NOSIP: variants seen among roughly 807,000 people sequenced by gnomAD.
NOSIP encodes nitric oxide synthase-interacting protein.
In NOSIP, 25 loss-of-function variants were observed where a neutral mutation model predicts 36.4. The ratio of observed to expected loss-of-function variants is 0.69; its 90% CI spans 0.50 to 0.96. NOSIP has a LOEUF of 0.96. Ranked by LOEUF, NOSIP falls within the 40% of genes least tolerant of loss-of-function variation. The probability of loss-of-function intolerance (pLI) is 0.00; values close to 1 mark genes in which losing one functional copy is unlikely to be tolerated. For synonymous variants in NOSIP, 187 were observed against 179.2 expected (o/e 1.04, Z -0.35); for missense variants, 370 against 429.0 (o/e 0.86, Z 1.21).
intron 1 of NOSIP, among the ~76,000 whole-genome samples, chr19:49,576,523 G>C (rs982241872): frequency 9.9e-5 from 15 of 151,748 alleles, no homozygotes; most frequent in African/African-American, 3.6e-4. Flanking sequence ...GCTGCAGTGA[G>C]TTATGATCGT....
intron 1 of NOSIP, among the ~76,000 whole-genome samples, chr19:49,565,754 T>A: frequency 7.2e-6 from 1 of 138,626 alleles, no homozygotes; most frequent in African/African-American, 3.3e-5. Flanking sequence ...TGAGAACCTG[T>A]CTCAAAAGAA....
intron 1 of NOSIP, among the ~76,000 whole-genome samples, chr19:49,574,781 C>T (rs182279802): frequency 3.3e-5 from 5 of 151,990 alleles, no homozygotes; most frequent in Admixed American, 1.3e-4. Context: ...CGGCGGATCT[C>T]GCCTCCCAGG....
rs78655382 is a variant in NOSIP at position 49,568,796 on chromosome 19, T to A, written c.-1-8104A>T. Among the ~76,000 whole-genome samples, 968 of 97,746 alleles carry A rather than the reference T, an allele frequency of 9.9e-3. 41 individuals are homozygous for A. Among genetic ancestry groups the A allele is most frequent in the East Asian group, 0.082 (274 of 3,338 alleles). 64.1% of individuals were successfully genotyped at this position (97,746 alleles called of 152,430 possible). Reference sequence around the variant, plus strand: ...CCCATCTCTAAAAAAAAAAAAAAAATAGTTTGTTTGTTTGTTTTTTTTTTT... The same window carrying A: ...CCCATCTCTAAAAAAAAAAAAAAAAAAGTTTGTTTGTTTGTTTTTTTTTTT... On this transcript the variant is annotated intron_variant, in intron 1 of 8. Coordinates refer to ENST00000596358, the MANE Select transcript of NOSIP (RefSeq NM_001270960.2).
intron 1 of NOSIP, among the ~76,000 whole-genome samples, chr19:49,573,851 T>C (rs981955353): frequency 4.0e-5 from 6 of 150,756 alleles, no homozygotes; most frequent in African/African-American, 1.5e-4. Flanking sequence ...TCACCAGGAC[T>C]GAAGTATTTT....
intron 1 of NOSIP, among the ~76,000 whole-genome samples, chr19:49,570,476 T>C (rs1463112014): frequency 6.6e-6 from 1 of 152,138 alleles, no homozygotes; most frequent in Admixed American, 6.6e-5. Flanking sequence ...GACAAATGTA[T>C]ACACCCTTGT....
At chr19:49,572,874 T>C (rs1396805490) in intron 1 of NOSIP, among the ~76,000 whole-genome samples, 1 of 145,982 alleles carries the variant, frequency 6.9e-6, no homozygotes, top group Non-Finnish European at 1.5e-5. Flanking sequence ...CTCGGGAGGC[T>C]GAGGCAGGAG....
In NOSIP at chr19:49,563,244, C is replaced by T. The variant is rs541578743; in HGVS notation, c.-1-2552G>A. On this transcript the variant is annotated intron_variant, in intron 1 of 8. Transcript: ENST00000596358. ...AGGCTGGAGTGCAGTGGTACAATCA[C>T]AGCTCACTGCAGCCTTGACCTCCTG... 4.6e-5 allele frequency among the ~76,000 whole-genome samples: 7 copies of T among 151,886 alleles called. No homozygotes were observed. In the South Asian group the frequency reaches 1.5e-3, roughly 32 times the overall value.
At chr19:49,573,857 A>ATT (rs560191336) in intron 1 of NOSIP, among the ~76,000 whole-genome samples, 9 of 129,434 alleles carry the variant, frequency 7.0e-5, no homozygotes, top group East Asian at 4.4e-4. Flanking sequence ...GGACTGAAGT[A>ATT]TTTTTTTTTT....
rs535685725 is a variant in NOSIP, at chr19:49,557,151, C to T, written c.357G>A (p.Ser119=). The change falls in exon 5 of 9, where the codon TCG becomes TCA. Residue 119 remains serine, a synonymous_variant. Coordinates refer to ENST00000596358, the MANE Select transcript of NOSIP (RefSeq NM_001270960.2). ...DHVRGFLEKE[S]AIVSRPLNPF... is the part of the protein sequence containing the mutation. ...GGTTGAGGGGCCGGCTCACGATAGC[C>T]GACTCCTTCTCCAGGAAGCCCCGCA... 6 of 1,612,210 alleles carry T rather than the reference C, an allele frequency of 3.7e-6. No individual in the cohort carries two copies. Among genetic ancestry groups the T allele is most frequent in the South Asian group, 3.3e-5 (3 of 90,622 alleles).
chr19:49,578,907 G>C (rs2080588624), intron 1 of NOSIP, among the ~76,000 whole-genome samples: 1 of 151,830 alleles, frequency 6.6e-6, no homozygotes, highest in Admixed American at 6.6e-5. Context: ...ACAGGCATGA[G>C]CCACTGTGTC....
chr19:49,579,204 G>A (rs1424783000), intron 1 of NOSIP: 1 of 152,176 alleles, frequency 6.6e-6, no homozygotes, highest in Non-Finnish European at 1.5e-5. Flanking sequence ...GTAATGGATA[G>A]TAGTCTAGAA....
chr19:49,556,092 G>A (rs973112238), intron 8 of NOSIP, among the ~76,000 whole-genome samples: 2 of 134,386 alleles, frequency 1.5e-5, no homozygotes, highest in Admixed American at 1.5e-4. Context: ...CAGGGAAGGG[G>A]CGGGGCCTTG....
At chr19:49,569,969 A>T (rs7254718) in intron 1 of NOSIP, among the ~76,000 whole-genome samples, 2 of 151,568 alleles carry the variant, frequency 1.3e-5, no homozygotes, top group Non-Finnish European at 2.9e-5. Flanking sequence ...AAAATGAGCC[A>T]GTCGTGGTGG....
At chr19:49,564,411 G>A (rs187087200) in intron 1 of NOSIP, among the ~76,000 whole-genome samples, 295 of 134,424 alleles carry the variant, frequency 2.2e-3, no homozygotes, top group African/African-American at 8.0e-3. Context: ...CCAAGATCAC[G>A]CCACGGCACT....
At chr19:49,580,325 T>G (rs2080609676) in intron 1 of NOSIP, among the ~76,000 whole-genome samples, 190 bp downstream of exon 1, 1 of 151,954 alleles carries the variant, frequency 6.6e-6, no homozygotes, top group South Asian at 2.1e-4. Flanking sequence ...AACTGCCCGA[T>G]GGACGGTTGG....
In NOSIP at chr19:49,557,283, G is replaced by C. The variant is rs920787306; in HGVS notation, c.259-34C>G. The C allele has an allele frequency of 1.9e-6, 3 of 1,542,346 alleles. No individual in the cohort carries two copies. The African/African-American group carries it at 4.1e-5, about 21-fold the overall frequency. On this transcript the variant is annotated intron_variant, in intron 4 of 8. Transcript: ENST00000596358. The stretch of plus-strand genomic sequence containing the variant: ...GGGAAAGTGGGCTGAGCATCTGCCC[G>C]TGGGGCTGGGGGTATCTTCCTCCCA...
At chr19:49,564,579 A>G (rs1451587865) in intron 1 of NOSIP, among the ~76,000 whole-genome samples, 2 of 152,030 alleles carry the variant, frequency 1.3e-5, no homozygotes, top group African/African-American at 2.4e-5. Context: ...ACCCTCGTGC[A>G]CTGCTCAGGG....
rs2080267165 is a variant in NOSIP at position 49,557,255 on chromosome 19, TC to T, written c.259-7del. The T allele has an allele frequency of 3.8e-6, 6 of 1,574,864 alleles. No homozygotes were observed. The highest frequency in any genetic ancestry group is 5.2e-6 in the Non-Finnish European group (6 of 1,161,576). On this transcript the variant is annotated splice_region_variant and splice_polypyrimidine_tract_variant and intron_variant, in intron 4 of 8. Coordinates refer to ENST00000596358, the MANE Select transcript of NOSIP (RefSeq NM_001270960.2). Reference sequence around the variant, plus strand: ...CCCCGCTGCTTCTCGTAGGCCTGCGTCGGGGAAAGTGGGCTGAGCATCTGCC... The same window carrying T: ...CCCCGCTGCTTCTCGTAGGCCTGCGTGGGGAAAGTGGGCTGAGCATCTGCC...
chr19:49,576,958 C>T (rs985754619), intron 1 of NOSIP, among the ~76,000 whole-genome samples: 5 of 142,712 alleles, frequency 3.5e-5, no homozygotes, highest in African/African-American at 7.8e-5. Context: ...TAAAAACTTA[C>T]AACTCAATAA....
Sources: gnomAD v4.1 joint callset for allele counts (sites outside exome capture counted in the v4.1 genomes callset) on GRCh38, gnomAD v4.1.1 for gene constraint, MANE v1.5 for transcripts, NCBI Gene and HGNC (gene_info 2026-07-23, HGNC 2026-07-21) for gene names.